The following TBXAS1 variants were observed in gnomAD, a reference collection of about 807,000 sequenced individuals.
TBXAS1 encodes thromboxane-A synthase.
In TBXAS1, 48 loss-of-function variants were observed where a neutral mutation model predicts 60.7. That is an observed-to-expected ratio of 0.79 (90% CI 0.63 to 1.01). The LOEUF (loss-of-function observed/expected upper bound fraction) is 1.01. TBXAS1 is among the 50% of genes least tolerant of loss of function. The pLI, the probability that TBXAS1 is intolerant of heterozygous loss-of-function variation, is 0.00. For missense variants in TBXAS1, 685 were observed against 686.3 expected (o/e 1.00, Z 0.02); for synonymous variants, 287 against 269.7 (o/e 1.06, Z -0.63).
intron 3 of TBXAS1, among the ~76,000 whole-genome samples, chr7:139,890,304 C>T (rs1189093320): frequency 6.6e-6 from 1 of 150,818 alleles, no homozygotes; most frequent in African/African-American, 2.4e-5. Flanking sequence ...CAAGCTCCGC[C>T]TTCCGGGTTC....
At chr7:139,979,160 C>T (rs1454483640) in intron 9 of TBXAS1, among the ~76,000 whole-genome samples, 3 of 152,040 alleles carry the variant, frequency 2.0e-5, no homozygotes, top group African/African-American at 4.8e-5. Context: ...ACTGGCACAC[C>T]ACTAGGAATT....
intron 4 of TBXAS1, among the ~76,000 whole-genome samples, chr7:139,810,787 T>C (rs1332089318): frequency 6.6e-6 from 1 of 152,224 alleles, no homozygotes; most frequent in Non-Finnish European, 1.5e-5. Context: ...TCAACAGTTC[T>C]ATTAAGCAAC....
rs750224404 is a variant in TBXAS1 at position 139,911,270 on chromosome 7, C to T, written c.282C>T (p.Asp94=). 1.5e-5 allele frequency: 25 copies of T among 1,614,024 alleles called. No individual in the cohort carries two copies. The highest frequency in any genetic ancestry group is 1.6e-4 in the Middle Eastern group (1 of 6,084). The change falls in exon 4 of 13, where the codon GAC becomes GAT. Residue 94 remains aspartate, a synonymous_variant. Transcript: ENST00000448866. ...RRMFIVISEP[D]MIKQVLVENF... ...TGTTTATTGTTATTTCTGAGCCAGACATGATCAAGCAGGTGTTGGTTGAGA... is the reference window on the plus strand; with the variant it reads ...TGTTTATTGTTATTTCTGAGCCAGATATGATCAAGCAGGTGTTGGTTGAGA...
At chr7:139,905,269 T>G (rs1804985675) in intron 3 of TBXAS1, among the ~76,000 whole-genome samples, 2 of 152,116 alleles carry the variant, frequency 1.3e-5, no homozygotes, top group Admixed American at 1.3e-4. Flanking sequence ...AGATGGCCTT[T>G]ATTACATTAA....
In TBXAS1 at chr7:140,015,706, C is replaced by T. The variant is rs377005582; in HGVS notation, c.1227-17C>T. 110 of 1,612,566 alleles carry T rather than the reference C, an allele frequency of 6.8e-5. 1 individual carries two copies. Among genetic ancestry groups the T allele is most frequent in the Non-Finnish European group, 8.6e-5 (102 of 1,179,988 alleles). On this transcript the variant is annotated splice_polypyrimidine_tract_variant and intron_variant, in intron 10 of 12. Transcript: ENST00000448866. ...ATCTCTTCTCTGTATCCACCCCCGA[C>T]CTGGTGTTTCCCTCAGATTCACACG...
upstream of TBXAS1, among the ~76,000 whole-genome samples, chr7:139,827,310 A>G (rs537373567): frequency 6.4e-4 from 98 of 152,316 alleles, no homozygotes; most frequent in South Asian, 2.1e-3. Flanking sequence ...ATTTGCATGA[A>G]GTGTCTTTTT....
intron 3 of TBXAS1, among the ~76,000 whole-genome samples, chr7:139,783,462 T>C (rs1293793728): frequency 6.6e-6 from 1 of 151,874 alleles, no homozygotes; most frequent in Admixed American, 6.6e-5. Context: ...TTAGGATGGA[T>C]TTGCACATGA....
chr7:139,846,843 G>C (rs1164999116), intron 1 of TBXAS1, among the ~76,000 whole-genome samples: 3 of 152,180 alleles, frequency 2.0e-5, no homozygotes, highest in Non-Finnish European at 4.4e-5. Flanking sequence ...CCAATGGTGT[G>C]GTGGGGACAG....
chr7:139,865,511 C>T (rs1262823519), intron 1 of TBXAS1, among the ~76,000 whole-genome samples: 1 of 151,162 alleles, frequency 6.6e-6, no homozygotes, highest in Non-Finnish European at 1.5e-5. Context: ...ATTTTTAAAT[C>T]AGTTAGTGGA....
chr7:139,793,215 A>G (rs200386389), intron 4 of TBXAS1, among the ~76,000 whole-genome samples: 1 of 152,116 alleles, frequency 6.6e-6, no homozygotes, highest in South Asian at 2.1e-4. Flanking sequence ...TCAGGAGTTC[A>G]AGACCAGCCT....
intron 10 of TBXAS1, among the ~76,000 whole-genome samples, chr7:140,014,630 C>G (rs980870893): frequency 2.0e-5 from 3 of 152,142 alleles, no homozygotes; most frequent in Admixed American, 6.5e-5. Flanking sequence ...TGGACACAGG[C>G]CAGGTGCAGT....
At chr7:139,877,098 G>A (rs899948407) in intron 3 of TBXAS1, among the ~76,000 whole-genome samples, 7 of 152,220 alleles carry the variant, frequency 4.6e-5, no homozygotes, top group African/African-American at 7.2e-5. Flanking sequence ...CTAAACCCAA[G>A]ATGTGGGCAG....
chr7:139,812,303 A>C (rs1569493449), intron 4 of TBXAS1, among the ~76,000 whole-genome samples: 1 of 152,210 alleles, frequency 6.6e-6, no homozygotes, highest in East Asian at 1.9e-4. Context: ...TCAACCCCAC[A>C]ATGTTGGGGT....
intron 1 of TBXAS1, among the ~76,000 whole-genome samples, chr7:139,863,947 A>G (rs76970371): frequency 0.14 from 21,463 of 152,214 alleles, 1,581 homozygotes; most frequent in Admixed American, 0.18. Flanking sequence ...AAGGATATCT[A>G]TGAAAACTCT....
At chr7:139,993,892 CTTTTTTTTT>C (rs71170931) in intron 9 of TBXAS1, among the ~76,000 whole-genome samples, 7 of 111,708 alleles carry the variant, frequency 6.3e-5, no homozygotes, top group East Asian at 2.5e-4. Flanking sequence ...TTCTTTCTTT[CTTTTTTTTT>C]TTTTTTTTTT....
chr7:140,006,303 G>A (rs1457657895), intron 9 of TBXAS1, among the ~76,000 whole-genome samples: 1 of 152,122 alleles, frequency 6.6e-6, no homozygotes. Flanking sequence ...AGAGCTCATG[G>A]GCACGTGTTC....
intron 7 of TBXAS1, 21 bp downstream of exon 7, chr7:139,955,628 G>T: frequency 1.2e-6 from 2 of 1,613,462 alleles, no homozygotes; most frequent in Non-Finnish European, 8.5e-7. Context: ...CTGCAGCCCG[G>T]GGCGCTGCGA....
rs370907751 is a variant in TBXAS1, at chr7:139,952,540, G to A, written c.451-828G>A. 2,646 of 1,536,356 alleles carry A rather than the reference G, an allele frequency of 1.7e-3. 7 individuals carry two copies. Among genetic ancestry groups the A allele is most frequent in the Middle Eastern group, 5.8e-3 (35 of 5,986 alleles). ...GGCAGCGAATAAAATGATTCTGCTC[G>A]ATATTTTCAGCTTGGCCTTTTAATC... On this transcript the variant is annotated intron_variant, in intron 5 of 12. Transcript: ENST00000448866.
chr7:139,897,315 G>A (rs916840439), intron 3 of TBXAS1, among the ~76,000 whole-genome samples: 4 of 147,136 alleles, frequency 2.7e-5, no homozygotes, highest in Admixed American at 2.7e-4. Flanking sequence ...GGTATGATCA[G>A]GATTGGCTCT....
Sources: gnomAD v4.1 joint callset for allele counts (sites outside exome capture counted in the v4.1 genomes callset) on GRCh38, gnomAD v4.1.1 for gene constraint, MANE v1.5 for transcripts, NCBI Gene and HGNC (gene_info 2026-07-23, HGNC 2026-07-21) for gene names.